The following PTPRN2 variants were observed in gnomAD, a reference collection of about 807,000 sequenced individuals.
PTPRN2 encodes the protein protein tyrosine phosphatase receptor type N2.
A neutral mutation model predicts 118.8 loss-of-function variants in PTPRN2; 74 were observed. That is an observed-to-expected ratio of 0.62 (90% CI 0.52 to 0.76). The LOEUF (loss-of-function observed/expected upper bound fraction) is 0.76. Among genes scored for constraint, PTPRN2 ranks in the 30% least tolerant of loss-of-function variants. The pLI, the probability that PTPRN2 is intolerant of heterozygous loss-of-function variation, is 0.00. For synonymous variants in PTPRN2, 641 were observed against 608.0 expected (o/e 1.05, Z -0.80); for missense variants, 1,481 against 1,394.4 (o/e 1.06, Z -0.99).
At chr7:157,860,684 C>T (rs1354303151) in intron 12 of PTPRN2, among the ~76,000 whole-genome samples, 4 of 152,190 alleles carry the variant, frequency 2.6e-5, no homozygotes, top group South Asian at 2.1e-4. Context: ...GCTCACTAAA[C>T]GTGTTGAGAT....
At chr7:157,969,236 G>C (rs1482335427) in intron 11 of PTPRN2, among the ~76,000 whole-genome samples, 1 of 152,020 alleles carries the variant, frequency 6.6e-6, no homozygotes, top group Non-Finnish European at 1.5e-5. Flanking sequence ...CAACCTCCCA[G>C]GTAGCTGGGA....
chr7:158,081,240 G>GCGTGTGTGTGTGCACA, intron 11 of PTPRN2, 58 bp downstream of exon 11: 7 of 1,461,484 alleles, frequency 4.8e-6, no homozygotes, highest in Non-Finnish European at 6.7e-6. Flanking sequence ...GTGTTTGCGT[G>GCGTGTGTGTGTGCACA]CGTGTGTGTG....
At chr7:157,558,981 C>T (rs1225261658) in intron 21 of PTPRN2, among the ~76,000 whole-genome samples, 5 of 152,250 alleles carry the variant, frequency 3.3e-5, no homozygotes, top group Non-Finnish European at 7.3e-5. Flanking sequence ...ACAGGAGAAA[C>T]GGAAGCACAG....
intron 21 of PTPRN2, among the ~76,000 whole-genome samples, chr7:157,562,145 AG>A (rs1430638797): frequency 6.6e-6 from 1 of 152,198 alleles, no homozygotes; most frequent in Non-Finnish European, 1.5e-5. Context: ...GGCAGTGGCC[AG>A]GTTGCCCAGG....
At chr7:158,439,632 C>T (rs775823231) in intron 2 of PTPRN2, among the ~76,000 whole-genome samples, 3 of 152,326 alleles carry the variant, frequency 2.0e-5, no homozygotes, top group Admixed American at 2.0e-4. Flanking sequence ...TCATGACCAT[C>T]TCTAATTCTT....
At chr7:158,571,751 A>T (rs1490102779) in intron 1 of PTPRN2, among the ~76,000 whole-genome samples, 4 of 152,030 alleles carry the variant, frequency 2.6e-5, no homozygotes, top group African/African-American at 4.8e-5. Context: ...TTTCTTAAGG[A>T]TCCAAAAAAA....
chr7:157,683,744 A>T (rs1204318863), intron 12 of PTPRN2, among the ~76,000 whole-genome samples: 1 of 152,162 alleles, frequency 6.6e-6, no homozygotes, highest in Non-Finnish European at 1.5e-5. Context: ...ACGTGCAAAT[A>T]GTTGCACGGC....
chr7:157,579,930 G>T (rs1480335478), intron 17 of PTPRN2, among the ~76,000 whole-genome samples: 3 of 152,200 alleles, frequency 2.0e-5, no homozygotes, highest in African/African-American at 7.2e-5. Flanking sequence ...AATCGAGGAG[G>T]AAAACTATGG....
At chr7:158,113,932 C>A (rs1278376484) in intron 9 of PTPRN2, among the ~76,000 whole-genome samples, 1 of 152,148 alleles carries the variant, frequency 6.6e-6, no homozygotes, top group East Asian at 1.9e-4. Context: ...CCCAAAAGCC[C>A]GGTACCTCCA....
At chr7:158,315,850 G>A (rs543290893) in intron 3 of PTPRN2, among the ~76,000 whole-genome samples, 3 of 152,232 alleles carry the variant, frequency 2.0e-5, no homozygotes, top group Non-Finnish European at 2.9e-5. Flanking sequence ...CTCAGCAGAG[G>A]AGGATTTTAA....
intron 12 of PTPRN2, among the ~76,000 whole-genome samples, chr7:157,725,244 C>T (rs994027088): frequency 4.2e-4 from 59 of 141,654 alleles, no homozygotes; most frequent in African/African-American, 1.6e-3. Context: ...AACTGGATAT[C>T]CACATGCAGA....
intron 10 of PTPRN2, among the ~76,000 whole-genome samples, chr7:158,106,112 G>T (rs1399330862): frequency 6.6e-6 from 1 of 151,034 alleles, no homozygotes; most frequent in African/African-American, 2.4e-5. Context: ...GCTCCATCCT[G>T]CTCTGTCCTC....
chr7:158,508,530 G>A (rs898126369), intron 1 of PTPRN2, among the ~76,000 whole-genome samples: 1 of 152,154 alleles, frequency 6.6e-6, no homozygotes, highest in Non-Finnish European at 1.5e-5. Context: ...CCAGCTCCAG[G>A]GGTGTGGTGA....
chr7:158,091,514 C>A (rs1472186120), intron 10 of PTPRN2, among the ~76,000 whole-genome samples: 1 of 152,166 alleles, frequency 6.6e-6, no homozygotes, highest in Non-Finnish European at 1.5e-5. Context: ...GACAGACTGA[C>A]CTGTGCTTTA....
Position 158,447,006 on chromosome 7 carries a change from T to A in PTPRN2, c.163+42729A>T, listed in dbSNP as rs1483495902. Among the ~76,000 whole-genome samples the A allele has an allele frequency of 3.9e-5, 6 of 152,320 alleles. No homozygotes were observed. In the East Asian group the frequency reaches 1.2e-3, roughly 29 times the overall value. ...TTTGAAAGAGATGAAGGCGGTGACA[T>A]ACGTGCCCAGTAAGGACGCAGCTAG... On this transcript the variant is annotated intron_variant, in intron 2 of 22. Transcript: ENST00000389418.
At chr7:158,456,105 G>A (rs948536631) in intron 2 of PTPRN2, among the ~76,000 whole-genome samples, 2 of 148,010 alleles carry the variant, frequency 1.4e-5, no homozygotes, top group African/African-American at 5.0e-5. Context: ...TCAATCTGCG[G>A]AGAAGACAAC....
At chr7:158,027,514 T>C (rs1328796993) in intron 11 of PTPRN2, 1 of 152,050 alleles carries the variant, frequency 6.6e-6, no homozygotes, top group East Asian at 1.9e-4. Context: ...CCAAAAACCT[T>C]AGGGAGAACC....
At chr7:158,052,732 G>A (rs1809431571) in intron 11 of PTPRN2, among the ~76,000 whole-genome samples, 1 of 151,736 alleles carries the variant, frequency 6.6e-6, no homozygotes, top group Non-Finnish European at 1.5e-5. Flanking sequence ...TGGACCTCCT[G>A]GAGAGGGTAG....
Position 158,129,366 on chromosome 7 carries a change from CCACA to C in PTPRN2, c.1556+4307_1556+4310del, listed in dbSNP as rs369545391. On this transcript the variant is annotated intron_variant, in intron 9 of 22. Coordinates refer to ENST00000389418, the MANE Select transcript of PTPRN2 (RefSeq NM_002847.5). ...CACATAACACACACCACACAGCACA[CCACA>C]CACAAACAACACACACCACACACTA... Among the ~76,000 whole-genome samples, 559 of 151,446 alleles carry C rather than the reference CCACA, an allele frequency of 3.7e-3. 3 individuals are homozygous for C. The highest frequency in any genetic ancestry group is 0.013 in the African/African-American group (517 of 41,186).
Sources: allele counts gnomAD v4.1 joint callset (sites outside exome capture counted in the v4.1 genomes callset), GRCh38; gene constraint gnomAD v4.1.1; transcripts MANE v1.5; gene names NCBI Gene and HGNC (gene_info 2026-07-23, HGNC 2026-07-21).